PLEC: variants seen among roughly 807,000 people sequenced by gnomAD.
PLEC encodes plectin.
PLEC carries 216 observed loss-of-function variants against 392.8 expected under a neutral mutation model. The observed-to-expected ratio is 0.55, with a 90% CI of 0.49 to 0.62. The LOEUF is 0.62. Among genes scored for constraint, PLEC ranks in the 20% least tolerant of loss-of-function variants. PLEC has a pLI of 0.00. For synonymous variants in PLEC, 3,621 were observed against 2,980.6 expected (o/e 1.21, Z -7.00); for missense variants, 6,863 against 6,563.4 (o/e 1.05, Z -1.58).
At chr8:143,940,277 CG>C (rs1830201811), upstream of PLEC, among the ~76,000 whole-genome samples, 1 of 152,200 alleles carries the variant, frequency 6.6e-6, no homozygotes, top group Admixed American at 6.5e-5. Context: ...CACCTCACGT[CG>C]GAGGCGCGTA....
intron 31 of PLEC, 33 bp downstream of exon 31, chr8:143,922,471 C>T (rs1554689727): frequency 1.9e-6 from 3 of 1,602,770 alleles, no homozygotes; most frequent in Non-Finnish European, 1.7e-6. Flanking sequence ...ATCCCCGGGC[C>T]CACCCGCCCG....
chr8:143,921,218 A>T lies in PLEC; in HGVS notation c.8603T>A (p.Leu2868Gln), dbSNP rs781891792. Residue 2868 changes from leucine to glutamine, a missense_variant, in exon 32 of 32, where the codon CTG becomes CAG. Leu to Gln is a moderately radical substitution (Grantham distance 113). Coordinates refer to ENST00000345136, the MANE Select transcript of PLEC (RefSeq NM_201384.3). ...THENLTYLQLLERCVEDPETG... is the reference protein window; with the variant it reads ...THENLTYLQLQERCVEDPETG... ...CTCGGGGTCCTCCACGCAGCGCTCC[A>T]GTAGCTGCAGGTACGTGAGGTTCTC... 1 of 1,614,066 alleles carries T rather than the reference A, an allele frequency of 6.2e-7. No homozygotes were observed. The highest frequency in any genetic ancestry group is 1.7e-5 in the Admixed American group (1 of 60,028).
chr8:143,945,191 A>G (rs782016125), intron 1 of PLEC: 3 of 480,804 alleles, frequency 6.2e-6, no homozygotes, highest in African/African-American at 2.0e-5. Flanking sequence ...TGGCCGGGAC[A>G]GCCACCCCAA....
In PLEC at chr8:143,923,978, C is replaced by T. The variant is rs575072418; in HGVS notation, c.5951G>A (p.Arg1984His). Residue 1984 changes from arginine (R) to histidine (H), a missense_variant, in exon 31 of 32, where the codon CGT becomes CAT. Transcript: ENST00000345136. Reference protein sequence around the residue: ...QLAAEEERRRREAEERVQKSL... With the variant: ...QLAAEEERRRHEAEERVQKSL... ...CTTCTGCACGCGCTCCTCAGCCTCA[C>T]GGCGCCGCCGCTCCTCCTCCGCCGC... The T allele has an allele frequency of 4.2e-5, 67 of 1,583,376 alleles. 1 individual carries two copies. Among genetic ancestry groups the T allele is most frequent in the East Asian group, 1.4e-4 (6 of 44,038 alleles).
chr8:143,975,674 C>T (rs1554745874), upstream of PLEC, among the ~76,000 whole-genome samples: 1 of 151,876 alleles, frequency 6.6e-6, no homozygotes, highest in African/African-American at 2.4e-5. The surrounding 1 kb of genome is among the most constrained non-coding windows in gnomAD (Gnocchi z 9.9). Context: ...AGTCCATCAC[C>T]AGGACACTGA....
At chr8:143,939,704 G>T, upstream of PLEC, 1 of 1,323,102 alleles carries the variant, frequency 7.6e-7, no homozygotes, top group African/African-American at 1.5e-5. Flanking sequence ...GTCCCGGCGG[G>T]AAGGAGCAAG....
chr8:143,917,568 C>A lies in PLEC; in HGVS notation c.12253G>T (p.Asp4085Tyr). 6.2e-7 allele frequency: 1 copy of A among 1,613,958 alleles called. No individual in the cohort carries two copies. Among genetic ancestry groups the A allele is most frequent in the South Asian group, 1.1e-5 (1 of 91,082 alleles). ...EMNEILTDPS[D>Y]DTKGFFDPNT... Reference sequence around the variant, plus strand: ...GGGTCAAAGAAGCCCTTGGTGTCGTCCGAGGGGTCGGTCAGGATCTCGTTC... The same window carrying A: ...GGGTCAAAGAAGCCCTTGGTGTCGTACGAGGGGTCGGTCAGGATCTCGTTC... Residue 4085 changes from aspartate to tyrosine, a missense_variant, in exon 32 of 32, where the codon GAC (aspartate) becomes TAC (tyrosine). Coordinates refer to ENST00000345136, the MANE Select transcript of PLEC (RefSeq NM_201384.3).
At chr8:143,934,195 A>G in intron 11 of PLEC, 104 bp from the exon 12 acceptor site, 1 of 1,589,342 alleles carries the variant, frequency 6.3e-7, no homozygotes, top group Non-Finnish European at 8.6e-7. Flanking sequence ...GCTGTGGCCC[A>G]CTGTCCTAAG....
At chr8:143,972,331 G>A (rs1184663905) in intron 1 of PLEC, among the ~76,000 whole-genome samples, 3 of 152,110 alleles carry the variant, frequency 2.0e-5, no homozygotes, top group Admixed American at 6.5e-5. Flanking sequence ...CCCCTGGCCC[G>A]AATGAACTAG....
chr8:143,937,309 C>G, intron 3 of PLEC, 67 bp from the exon 4 acceptor site: 1 of 1,225,760 alleles, frequency 8.2e-7, no homozygotes, highest in Non-Finnish European at 1.2e-6. Flanking sequence ...TCAGCATGCC[C>G]CAAAGCGCCG....
chr8:143,929,347 A>AAAGGAGG lies in PLEC; in HGVS notation c.3081+60_3081+66dup. 3 of 1,581,510 alleles carry AAAGGAGG rather than the reference A, an allele frequency of 1.9e-6. No homozygotes were observed. The South Asian group carries it at 3.4e-5, about 18-fold the overall frequency. On this transcript the variant is annotated intron_variant, in intron 24 of 31. Transcript: ENST00000345136. ...CAGCACACAGCGCCCCTTGAAGGCCAAAGGAGGGAGGGTGGGAGGAGGGAT... is the reference window on the plus strand; with the variant it reads ...CAGCACACAGCGCCCCTTGAAGGCCAAAGGAGGAAGGAGGGAGGGTGGGAGGAGGGAT...
rs368120516 is a variant in PLEC at position 143,921,373 on chromosome 8, G to C, written c.8448C>G (p.Ile2816Met). 6.2e-7 allele frequency: 1 copy of C among 1,613,254 alleles called. No homozygotes were observed. The highest frequency in any genetic ancestry group is 8.5e-7 in the Non-Finnish European group (1 of 1,179,836). The change falls in exon 32 of 32, where the codon ATC (isoleucine) becomes ATG (methionine). Residue 2816 changes from isoleucine to methionine, a missense_variant. Coordinates refer to ENST00000345136, the MANE Select transcript of PLEC (RefSeq NM_201384.3). ...LEAQIATGGV[I>M]DPVHSHRVPV... is the part of the protein sequence containing the mutation. The stretch of plus-strand genomic sequence containing the variant: ...GCACGCGGTGGCTGTGCACGGGGTC[G>C]ATAACGCCGCCCGTGGCGATCTGGG...
chr8:143,958,206 C>T (rs147358418), upstream of PLEC, among the ~76,000 whole-genome samples: 85 of 152,280 alleles, frequency 5.6e-4, no homozygotes, highest in East Asian at 0.013. This position sits in a 1 kb window ranked among gnomAD's most constrained non-coding sequence, Gnocchi z 4.9. Context: ...GCCACCCCTG[C>T]GCAGGGTGGG....
Position 143,919,469 on chromosome 8 carries a change from A to C in PLEC, c.10352T>G (p.Met3451Arg). Reference sequence around the variant, plus strand: ...CTGCCGGAGAACCAGGCCCTTCTGCATGGCCTGGAAGAGGGAGATGGTGCT... The same window carrying C: ...CTGCCGGAGAACCAGGCCCTTCTGCCTGGCCTGGAAGAGGGAGATGGTGCT... ...SGSTISLFQA[M>R]QKGLVLRQHG... Residue 3451 changes from methionine to arginine, a missense_variant, in exon 32 of 32, where the codon ATG (methionine) becomes AGG (arginine). Coordinates refer to ENST00000345136, the MANE Select transcript of PLEC (RefSeq NM_201384.3). 1 of 1,613,264 alleles carries C rather than the reference A, an allele frequency of 6.2e-7. No individual in the cohort carries two copies. The highest frequency in any genetic ancestry group is 8.5e-7 in the Non-Finnish European group (1 of 1,179,862).
In PLEC at chr8:143,919,114, C is replaced by A. The variant is rs782029341; in HGVS notation, c.10707G>T (p.Glu3569Asp). The A allele has an allele frequency of 1.2e-6, 2 of 1,612,972 alleles. No individual in the cohort carries two copies. Among genetic ancestry groups the A allele is most frequent in the East Asian group, 4.5e-5 (2 of 44,876 alleles). ...CGCCGCCGGGAATGTCGATCTGTGTCTCTTCAAATGCCCTTCTTGTCTCCT... is the reference window on the plus strand; with the variant it reads ...CGCCGCCGGGAATGTCGATCTGTGTATCTTCAAATGCCCTTCTTGTCTCCT... ...TEEETRRAFE[E>D]TQIDIPGGGS... is the part of the protein sequence containing the mutation. Residue 3569 changes from glutamate to aspartate, a missense_variant, in exon 32 of 32, where the codon GAG becomes GAT. Transcript: ENST00000345136.
chr8:143,945,421 T>C, intron 1 of PLEC: 1 of 313,682 alleles, frequency 3.2e-6, no homozygotes, highest in Non-Finnish European at 6.3e-6. Flanking sequence ...CCACAGCATA[T>C]CCTATGCAGA....
At position 143,925,303 on chromosome 8, in the gene PLEC, C is replaced by T. The variant is rs782125781; in HGVS notation, c.4626G>A (p.Arg1542=). Residue 1542 remains arginine (R), a synonymous_variant, in exon 31 of 32, where the codon CGG becomes CGA. Coordinates refer to ENST00000345136, the MANE Select transcript of PLEC (RefSeq NM_201384.3). ...QRALQALEEL[R]LQAEEAERRL... ...GCCGCTCCGCCTCCTCCGCCTGCAG[C>T]CGCAGCTCCTCCAGGGCCTGCAGGG... 1 of 1,572,074 alleles carries T rather than the reference C, an allele frequency of 6.4e-7. No individual in the cohort carries two copies. Among genetic ancestry groups the T allele is most frequent in the African/African-American group, 1.3e-5 (1 of 74,124 alleles).
At position 143,924,278 on chromosome 8, in the gene PLEC, G is replaced by A. The variant is rs1554696504; in HGVS notation, c.5651C>T (p.Ala1884Val). 1.9e-6 allele frequency: 3 copies of A among 1,596,074 alleles called. No homozygotes were observed. The highest frequency in any genetic ancestry group is 1.7e-5 in the Admixed American group (1 of 59,820). Residue 1884 changes from alanine (A) to valine (V), a missense_variant, in exon 31 of 32, where the codon GCC becomes GTC. Ala to Val is a moderately conservative substitution (Grantham distance 64). Transcript: ENST00000345136. ...AFQRRRLEEQ[A>V]AQHKADIEER... ...CTCGATGTCAGCCTTGTGTTGCGCG[G>A]CCTGCTCCTCCAGCCGCCGCCGCTG...
At position 143,933,063 on chromosome 8, in the gene PLEC, G is replaced by C. The variant is rs1469165281; in HGVS notation, c.1467C>G (p.Asn489Lys). Residue 489 changes from asparagine (N) to lysine (K), a missense_variant, in exon 14 of 32, where the codon AAC becomes AAG. Physicochemically the swap from Asn to Lys is moderately conservative, Grantham distance 94 (BLOSUM62 0). Transcript: ENST00000345136. ...ERLVAIRTEY[N>K]LRLKAGVAAP... ...CCGCCACGCCTGCCTTCAGCCGTAGGTTGTACTCGGTGCGGATGGCTACCA... is the reference window on the plus strand; with the variant it reads ...CCGCCACGCCTGCCTTCAGCCGTAGCTTGTACTCGGTGCGGATGGCTACCA... The C allele has an allele frequency of 1.3e-6, 2 of 1,590,920 alleles. No individual in the cohort carries two copies. Among genetic ancestry groups the C allele is most frequent in the African/African-American group, 2.7e-5 (2 of 74,644 alleles).
Sources: allele counts gnomAD v4.1 joint callset (sites outside exome capture counted in the v4.1 genomes callset), GRCh38; gene constraint gnomAD v4.1.1; non-coding constraint Gnocchi (gnomAD v3.1); transcripts MANE v1.5; gene names NCBI Gene and HGNC (gene_info 2026-07-23, HGNC 2026-07-21).